The following RIPPLY2 variants were observed in gnomAD, a reference collection of about 807,000 sequenced individuals.
The protein encoded by RIPPLY2 is protein ripply2.
A neutral mutation model predicts 17.7 loss-of-function variants in RIPPLY2; 20 were observed. The ratio of observed to expected loss-of-function variants is 1.13; its 90% confidence interval spans 0.79 to 1.64. The LOEUF (loss-of-function observed/expected upper bound fraction) is 1.64. RIPPLY2 is among the 40% of genes most tolerant of loss of function. The pLI is 0.00. For synonymous variants in RIPPLY2, 69 were observed against 63.9 expected (o/e 1.08, Z -0.38); for missense variants, 213 against 169.8 (o/e 1.25, Z -1.41).
At chr6:83,856,152 G>T (rs2099454950) in intron 3 of RIPPLY2, 1 of 151,982 alleles carries the variant, frequency 6.6e-6, no homozygotes. Flanking sequence ...ACTTTTTGAG[G>T]GTAGGGACCA....
intron 3 of RIPPLY2, 106 bp from the exon 4 acceptor site, chr6:83,857,136 T>A: frequency 1.5e-6 from 1 of 674,078 alleles, no homozygotes; most frequent in Non-Finnish European, 2.3e-6. Flanking sequence ...TATATCCAAA[T>A]GTATAAGTCA....
In RIPPLY2 at chr6:83,857,308, T is replaced by A. The variant is rs1205312849; in HGVS notation, c.306T>A (p.Asn102Lys). Residue 102 changes from asparagine to lysine, a missense_variant, in exon 4 of 4, where the codon AAT becomes AAA. Transcript: ENST00000369689. ...LYQEAEALLK[N>K]FPIQATISFY... is the part of the protein sequence containing the mutation. ...AAGAAGCAGAAGCTCTTCTGAAAAATTTTCCAATTCAAGCCACAATTTCAT... is the reference window on the plus strand; with the variant it reads ...AAGAAGCAGAAGCTCTTCTGAAAAAATTTCCAATTCAAGCCACAATTTCAT... 1 of 1,578,036 alleles carries A rather than the reference T, an allele frequency of 6.3e-7. No homozygotes were observed. Among genetic ancestry groups the A allele is most frequent in the Middle Eastern group, 1.7e-4 (1 of 5,952 alleles).
chr6:83,856,566 A>G (rs1297243097), intron 3 of RIPPLY2: 1 of 152,242 alleles, frequency 6.6e-6, no homozygotes, highest in Non-Finnish European at 1.5e-5. Flanking sequence ...TATAAAACAT[A>G]TATAATTTCT....
At chr6:83,853,635 G>C in intron 1 of RIPPLY2, 60 bp from the exon 2 acceptor site, 1 of 1,578,238 alleles carries the variant, frequency 6.3e-7, no homozygotes, top group South Asian at 1.2e-5. Flanking sequence ...GGCTTCGGTG[G>C]ATTCTCCCGG....
chr6:83,854,101 C>T lies in RIPPLY2; in HGVS notation c.179C>T (p.Pro60Leu). The T allele has an allele frequency of 6.2e-7, 1 of 1,613,894 alleles. No homozygotes were observed. The change falls in exon 3 of 4, where the codon CCC becomes CTC. Residue 60 changes from proline (P) to leucine (L), a missense_variant. Physicochemically the swap from Pro to Leu is moderately conservative, Grantham distance 98. Transcript: ENST00000369689. ...ETPNHAAEAM[P>L]DGPGMTAASG... The stretch of plus-strand genomic sequence containing the variant: ...TTCACTTCCTTTCCTCTCCAGATGC[C>T]CGATGGCCCTGGAATGACCGCAGCC...
rs952061195 is a variant in RIPPLY2, at chr6:83,853,643, C to G, written c.96-52C>G. 95 of 1,584,728 alleles carry G rather than the reference C, an allele frequency of 6.0e-5. No homozygotes were observed. In the South Asian group the frequency reaches 1.0e-3, roughly 17 times the overall value. On this transcript the variant is annotated intron_variant, in intron 1 of 3. Coordinates refer to ENST00000369689, the MANE Select transcript of RIPPLY2 (RefSeq NM_001009994.3). Reference sequence around the variant, plus strand: ...AGCGCTCGGCTTCGGTGGATTCTCCCGGGTCTGGGCTCACGTCTCCTCTGC... The same window carrying G: ...AGCGCTCGGCTTCGGTGGATTCTCCGGGGTCTGGGCTCACGTCTCCTCTGC...
Position 83,857,481 on chromosome 6 carries a change from T to C in RIPPLY2, c.*92T>C. On this transcript the variant is annotated 3_prime_UTR_variant, in exon 4 of 4. Transcript: ENST00000369689. ...TAATTATTTTAAACTAATTTATTTGTATATAAATTATTAATAAAATGAAAT... is the reference window on the plus strand; with the variant it reads ...TAATTATTTTAAACTAATTTATTTGCATATAAATTATTAATAAAATGAAAT... 5 of 658,540 alleles carry C rather than the reference T, an allele frequency of 7.6e-6. No individual in the cohort carries two copies. Among genetic ancestry groups the C allele is most frequent in the Non-Finnish European group, 6.5e-6 (3 of 459,124 alleles). 40.8% of individuals were successfully genotyped at this position (658,540 alleles called of 1,614,324 possible).
Position 83,857,243 on chromosome 6 carries a change from C to A in RIPPLY2, c.241C>A (p.Leu81Ile). The change falls in exon 4 of 4, where the codon CTA (leucine) becomes ATA (isoleucine). Residue 81 changes from leucine (L) to isoleucine (I), a missense_variant and splice_region_variant. Leu to Ile is a conservative substitution (Grantham distance 5). Coordinates refer to ENST00000369689, the MANE Select transcript of RIPPLY2 (RefSeq NM_001009994.3). ...KLYQFRHPVR[L>I]FWPKSKCYDY... ...AAACATGTTGTCTGCTTCTTTCAGA[C>A]TATTTTGGCCAAAATCAAAATGTTA... The A allele has an allele frequency of 1.3e-6, 2 of 1,485,240 alleles. No individual in the cohort carries two copies. The highest frequency in any genetic ancestry group is 1.4e-5 in the South Asian group (1 of 70,482). The allele number at this position is 1,485,240 out of a possible 1,614,324, so 92.0% of individuals were successfully genotyped here.
At chr6:83,856,725 A>T (rs1161279200) in intron 3 of RIPPLY2, 1 of 152,154 alleles carries the variant, frequency 6.6e-6, no homozygotes, top group South Asian at 2.1e-4. Context: ...ATACATTTTT[A>T]AACTTACGTT....
Position 83,857,232 on chromosome 6 carries a change from C to T in RIPPLY2, c.240-10C>T. The T allele has an allele frequency of 6.8e-7, 1 of 1,472,288 alleles. No homozygotes were observed. Among genetic ancestry groups the T allele is most frequent in the Non-Finnish European group, 9.0e-7 (1 of 1,108,582 alleles). The allele number at this position is 1,472,288 out of a possible 1,614,324, so 91.2% of individuals were successfully genotyped here. ...GTGAAAAAATAAAACATGTTGTCTG[C>T]TTCTTTCAGACTATTTTGGCCAAAA... On this transcript the variant is annotated splice_polypyrimidine_tract_variant and intron_variant, in intron 3 of 3. Coordinates refer to ENST00000369689, the MANE Select transcript of RIPPLY2 (RefSeq NM_001009994.3).
At chr6:83,853,823 C>T (rs780347071) in intron 2 of RIPPLY2, 50 bp downstream of exon 2, 3 of 1,511,196 alleles carry the variant, frequency 2.0e-6, no homozygotes, top group Non-Finnish European at 2.7e-6. Context: ...TGCAGAAGAT[C>T]GACCAGGGCT....
intron 3 of RIPPLY2, 156 bp downstream of exon 3, chr6:83,854,317 T>G: frequency 1.5e-6 from 1 of 652,018 alleles, no homozygotes; most frequent in South Asian, 1.7e-5. Flanking sequence ...CTCATCAAAT[T>G]GAAAAAGGTA....
rs138853939 is a variant in RIPPLY2, at chr6:83,853,728, C to G, written c.129C>G (p.Ala43=). The change falls in exon 2 of 4, where the codon GCC becomes GCG. Residue 43 remains alanine (A), a synonymous_variant. Coordinates refer to ENST00000369689, the MANE Select transcript of RIPPLY2 (RefSeq NM_001009994.3). ...GCTTCTGGAGACCCTGGGTGGACGC[C>G]GGAGGCAAGAAAGAAGAGGAGACGC... ...YAGFWRPWVD[A]GGKKEEETPN... is the part of the protein sequence containing the mutation. The G allele has an allele frequency of 1.0e-4, 161 of 1,613,736 alleles. No individual in the cohort carries two copies. In the African/African-American group the frequency reaches 2.0e-3, roughly 20 times the overall value.
rs892815020 is a variant in RIPPLY2 at position 83,853,730 on chromosome 6, G to C, written c.131G>C (p.Gly44Ala). ...TTCTGGAGACCCTGGGTGGACGCCG[G>C]AGGCAAGAAAGAAGAGGAGACGCCG... is the stretch of plus-strand genomic sequence containing the variant. ...AGFWRPWVDA[G>A]GKKEEETPNH... is the part of the protein sequence containing the mutation. Residue 44 changes from glycine (G) to alanine (A), a missense_variant, in exon 2 of 4, where the codon GGA becomes GCA. Coordinates refer to ENST00000369689, the MANE Select transcript of RIPPLY2 (RefSeq NM_001009994.3). The C allele has an allele frequency of 3.7e-6, 6 of 1,613,650 alleles. No homozygotes were observed. Among genetic ancestry groups the C allele is most frequent in the Non-Finnish European group, 5.1e-6 (6 of 1,179,968 alleles).
chr6:83,853,479 C>A lies in RIPPLY2; in HGVS notation c.63C>A (p.Asp21Glu). The change falls in exon 1 of 4, where the codon GAC (aspartate) becomes GAA (glutamate). Residue 21 changes from aspartate to glutamate, a missense_variant. Coordinates refer to ENST00000369689, the MANE Select transcript of RIPPLY2 (RefSeq NM_001009994.3). ...ESGAAACAAT[D>E]GPTRRAGADS... ...GAGCTGCGGCGTGCGCGGCCACCGA[C>A]GGCCCTACGCGGCGCGCGGGCGCGG... is the stretch of plus-strand genomic sequence containing the variant. 4 of 1,538,728 alleles carry A rather than the reference C, an allele frequency of 2.6e-6. No homozygotes were observed. Among genetic ancestry groups the A allele is most frequent in the Non-Finnish European group, 2.6e-6 (3 of 1,145,112 alleles).
At chr6:83,854,357 TTGA>T (rs1276265291) in intron 3 of RIPPLY2, 196 bp downstream of exon 3, 2 of 604,734 alleles carry the variant, frequency 3.3e-6, no homozygotes, top group South Asian at 3.9e-5. Flanking sequence ...AAAGGGACTG[TTGA>T]TGAATACATA....
upstream of RIPPLY2, chr6:83,853,240 C>CGCTCGGCTTCGGTGGATTCTCCCGGGT: frequency 1.7e-6 from 1 of 579,676 alleles, no homozygotes; most frequent in Non-Finnish European, 3.0e-6. Flanking sequence ...GCCCGGTGCG[C>CGCTCGGCTTCGGTGGATTCTCCCGGGT]CTTCACGCGC....
chr6:83,853,550 CCCGTCTCTCCCT>C, intron 1 of RIPPLY2, 39 bp downstream of exon 1: 1 of 1,535,768 alleles, frequency 6.5e-7, no homozygotes. Flanking sequence ...CCCAGCTTCC[CCCGTCTCTCCCT>C]CCTGCGCCTC....
rs541361470 is a variant in RIPPLY2, at chr6:83,857,327, A to T, written c.325A>T (p.Ile109Phe). ...GAAAAATTTTCCAATTCAAGCCACA[A>T]TTTCATTTTATGAAGATTCTGATAG... ...LLKNFPIQATISFYEDSDSED... is the reference protein window; with the variant it reads ...LLKNFPIQATFSFYEDSDSED... The change falls in exon 4 of 4, where the codon ATT (isoleucine) becomes TTT (phenylalanine). Residue 109 changes from isoleucine (I) to phenylalanine (F), a missense_variant. Physicochemically the swap from Ile to Phe is conservative, Grantham distance 21 (BLOSUM62 0). Transcript: ENST00000369689. 1.9e-6 allele frequency: 3 copies of T among 1,584,078 alleles called. No individual in the cohort carries two copies. The East Asian group carries it at 7.0e-5, about 37-fold the overall frequency.
Sources: allele counts gnomAD v4.1 joint callset, GRCh38; gene constraint gnomAD v4.1.1; transcripts MANE v1.5; gene names NCBI Gene and HGNC (gene_info 2026-07-23, HGNC 2026-07-21).